Variants in KCNQ5 observed in about 807,000 individuals in gnomAD.
KCNQ5 encodes potassium voltage-gated channel subfamily KQT member 5.
KCNQ5 carries 30 observed loss-of-function variants against 98.2 expected under a neutral mutation model. The observed-to-expected ratio is 0.31, with a 90% CI of 0.23 to 0.41. The LOEUF (loss-of-function observed/expected upper bound fraction) is 0.41. KCNQ5 is among the 10% of genes least tolerant of loss of function. The pLI is 1.00. For missense variants in KCNQ5, 835 were observed against 1,182.5 expected, an observed-to-expected ratio of 0.71 and a Z score of 4.31; for synonymous variants, 458 against 449.4, an observed-to-expected ratio of 1.02 and a Z score of -0.24.
At chr6:73,152,935 A>AC (rs1295047585) in intron 10 of KCNQ5, among the ~76,000 whole-genome samples, 1 of 152,130 alleles carries the variant, frequency 6.6e-6, no homozygotes, top group African/African-American at 2.4e-5. Flanking sequence ...ATCACTTAAT[A>AC]CCCCAGCTTT....
At chr6:72,684,798 G>A (rs1417060211) in intron 1 of KCNQ5, among the ~76,000 whole-genome samples, 1 of 152,074 alleles carries the variant, frequency 6.6e-6, no homozygotes, top group Non-Finnish European at 1.5e-5. Context: ...AATTAATAAT[G>A]CTGGCATATG....
intron 1 of KCNQ5, among the ~76,000 whole-genome samples, chr6:72,662,967 G>A (rs1276101462): frequency 2.6e-5 from 4 of 152,052 alleles, no homozygotes; most frequent in Non-Finnish European, 2.9e-5. Flanking sequence ...TATTTTAAAG[G>A]TCTTCCAGAA....
intron 1 of KCNQ5, among the ~76,000 whole-genome samples, chr6:72,823,157 A>C (rs1031281742): frequency 6.6e-6 from 1 of 152,184 alleles, no homozygotes; most frequent in African/African-American, 2.4e-5. Context: ...ACTTAATTGT[A>C]AATTTGAAAC....
chr6:73,129,682 T>C, intron 9 of KCNQ5: 1 of 806,660 alleles, frequency 1.2e-6, no homozygotes, highest in Admixed American at 2.4e-5. Context: ...TGTGTACTTC[T>C]ATATTAAAAA....
chr6:72,682,342 G>A (rs1767750610), intron 1 of KCNQ5, among the ~76,000 whole-genome samples: 1 of 152,154 alleles, frequency 6.6e-6, no homozygotes. Context: ...ACCCTTAAAG[G>A]TGTTTGTTTC....
intron 1 of KCNQ5, among the ~76,000 whole-genome samples, chr6:72,941,824 GAAAC>G (rs1157134732): frequency 6.6e-6 from 1 of 151,682 alleles, no homozygotes; most frequent in Non-Finnish European, 1.5e-5. Flanking sequence ...ATAAAGTTGG[GAAAC>G]AAACCAACAT....
intron 6 of KCNQ5, among the ~76,000 whole-genome samples, chr6:73,108,406 C>T (rs73753251): frequency 0.017 from 2,603 of 152,272 alleles, 74 homozygotes; most frequent in African/African-American, 0.059. Flanking sequence ...AAATTCAGTG[C>T]AAGAACTAGT....
chr6:73,022,162 G>A (rs546541845), intron 2 of KCNQ5, among the ~76,000 whole-genome samples: 75 of 151,806 alleles, frequency 4.9e-4, no homozygotes, highest in Non-Finnish European at 8.4e-4. Flanking sequence ...AGTAATAACC[G>A]AATGATTCAC....
At chr6:73,144,234 A>G (rs545155547) in intron 10 of KCNQ5, among the ~76,000 whole-genome samples, 1 of 152,176 alleles carries the variant, frequency 6.6e-6, no homozygotes, top group African/African-American at 2.4e-5. Context: ...ATTGTCCCAA[A>G]TTGCTTTTAC....
At chr6:72,756,886 T>A (rs148415884) in intron 1 of KCNQ5, among the ~76,000 whole-genome samples, 1 of 152,098 alleles carries the variant, frequency 6.6e-6, no homozygotes, top group Non-Finnish European at 1.5e-5. Flanking sequence ...TTAAAAACAA[T>A]CATCTTTAAT....
intron 1 of KCNQ5, among the ~76,000 whole-genome samples, chr6:72,854,693 A>T (rs1450986786): frequency 2.0e-5 from 3 of 148,020 alleles, no homozygotes; most frequent in Non-Finnish European, 3.0e-5. Flanking sequence ...CTTGTTAAGG[A>T]GTTAGTAACA....
intron 1 of KCNQ5, chr6:72,987,821 G>GTTT: frequency 1.1e-5 from 4 of 355,714 alleles, no homozygotes; most frequent in Non-Finnish European, 1.6e-5. Flanking sequence ...GAGATTACAA[G>GTTT]TTTTTTTTGG....
At chr6:73,130,954 G>A (rs1368976939) in intron 9 of KCNQ5, among the ~76,000 whole-genome samples, 1 of 151,816 alleles carries the variant, frequency 6.6e-6, no homozygotes, top group African/African-American at 2.4e-5. Context: ...ATAATTCTTG[G>A]GAATCTTTAA....
At chr6:72,738,136 C>T (rs192458315) in intron 1 of KCNQ5, among the ~76,000 whole-genome samples, 4 of 148,308 alleles carry the variant, frequency 2.7e-5, no homozygotes, top group African/African-American at 1.0e-4. Flanking sequence ...GCCTGGGCGA[C>T]AAAGCAAGAC....
intron 1 of KCNQ5, among the ~76,000 whole-genome samples, chr6:72,722,400 A>G (rs369478714): frequency 2.0e-5 from 3 of 152,194 alleles, no homozygotes; most frequent in African/African-American, 7.2e-5. Flanking sequence ...TGTGCAATTT[A>G]TTGTGCATCC....
At chr6:73,110,069 A>G (rs1775168461) in intron 6 of KCNQ5, among the ~76,000 whole-genome samples, 1 of 152,192 alleles carries the variant, frequency 6.6e-6, no homozygotes, top group African/African-American at 2.4e-5. Flanking sequence ...CCACCTCTCC[A>G]GACAGCCTAT....
intron 3 of KCNQ5, among the ~76,000 whole-genome samples, chr6:73,059,650 A>G (rs930077592): frequency 6.6e-6 from 1 of 152,118 alleles, no homozygotes; most frequent in Non-Finnish European, 1.5e-5. Context: ...GTCTTAAATG[A>G]CATCTTATTT....
intron 3 of KCNQ5, chr6:73,042,991 G>GA: frequency 5.6e-6 from 1 of 178,026 alleles, no homozygotes. Flanking sequence ...TTTTCAACCT[G>GA]AAAAAGTAGG....
At chr6:72,946,237 T>C (rs1299857689) in intron 1 of KCNQ5, among the ~76,000 whole-genome samples, 1 of 152,160 alleles carries the variant, frequency 6.6e-6, no homozygotes, top group Non-Finnish European at 1.5e-5. Context: ...CAAAAAACTA[T>C]CACAACAATG....
Sources: gnomAD v4.1 joint callset for allele counts (sites outside exome capture counted in the v4.1 genomes callset) on GRCh38, gnomAD v4.1.1 for gene constraint, MANE v1.5 for transcripts, NCBI Gene and HGNC (gene_info 2026-07-23, HGNC 2026-07-21) for gene names.